The following WASL variants were observed in gnomAD, a reference collection of about 807,000 sequenced individuals.
The protein encoded by WASL is actin nucleation-promoting factor WASL.
A neutral mutation model predicts 55.5 loss-of-function variants in WASL; 20 were observed. The observed-to-expected ratio is 0.36, with a 90% CI of 0.25 to 0.52. The LOEUF is 0.52. Among genes scored for constraint, WASL ranks in the 20% least tolerant of loss-of-function variants. WASL has a pLI of 0.92. For missense variants in WASL, 504 were observed against 622.5 expected, an observed-to-expected ratio of 0.81 and a Z score of 2.03; for synonymous variants, 249 against 217.6, an observed-to-expected ratio of 1.14 and a Z score of -1.27.
intron 1 of WASL, among the ~76,000 whole-genome samples, chr7:123,719,437 G>A (rs1803899732): frequency 6.6e-6 from 1 of 152,166 alleles, no homozygotes; most frequent in African/African-American, 2.4e-5. Flanking sequence ...GAACTGTGAA[G>A]TCCTAATCTG....
At chr7:123,722,109 G>A (rs754215275) in intron 1 of WASL, among the ~76,000 whole-genome samples, 3 of 152,032 alleles carry the variant, frequency 2.0e-5, no homozygotes, top group Admixed American at 6.5e-5. Context: ...TAGCCACAAT[G>A]GCTATTCAAA....
chr7:123,695,441 C>T (rs1261362182), intron 7 of WASL, among the ~76,000 whole-genome samples: 1 of 152,096 alleles, frequency 6.6e-6, no homozygotes, highest in Non-Finnish European at 1.5e-5. Flanking sequence ...CCAAAAAGAA[C>T]AGGAGAATGA....
At position 123,682,630 on chromosome 7, in the gene WASL, A is replaced by T. The variant is rs1460646807; in HGVS notation, c.*1889T>A. 1 of 152,138 alleles carries T rather than the reference A, an allele frequency of 6.6e-6. No individual in the cohort carries two copies. The highest frequency in any genetic ancestry group is 2.4e-5 in the African/African-American group (1 of 41,438). The allele number at this position is 152,138 out of a possible 1,614,324, so 9.4% of individuals were successfully genotyped here. A position where few individuals can be genotyped will look rare whatever the true frequency, so the allele number is the denominator to read the frequency against. On this transcript the variant is annotated 3_prime_UTR_variant, in exon 11 of 11. Transcript: ENST00000223023. Reference sequence around the variant, plus strand: ...CCCTGAAGACATTTCTAGGAAATTTAAAATGTTTTTTATATTGTCAAAAAG... The same window carrying T: ...CCCTGAAGACATTTCTAGGAAATTTTAAATGTTTTTTATATTGTCAAAAAG...
At chr7:123,739,438 A>T (rs893339944) in intron 1 of WASL, among the ~76,000 whole-genome samples, 1 of 152,250 alleles carries the variant, frequency 6.6e-6, no homozygotes, top group Non-Finnish European at 1.5e-5. Context: ...TCAGCTTTAC[A>T]ATGGTGCGAA....
chr7:123,733,106 A>T (rs1804168849), intron 1 of WASL, among the ~76,000 whole-genome samples: 2 of 152,206 alleles, frequency 1.3e-5, no homozygotes, highest in Non-Finnish European at 2.9e-5. Context: ...ACTGGGAACA[A>T]AGTAAAAATG....
chr7:123,725,618 G>A (rs1804029116), intron 1 of WASL, among the ~76,000 whole-genome samples: 1 of 151,996 alleles, frequency 6.6e-6, no homozygotes, highest in Non-Finnish European at 1.5e-5. Context: ...AGAGTGCTAA[G>A]AACTTTACTT....
At chr7:123,727,074 A>C (rs1804057726) in intron 1 of WASL, among the ~76,000 whole-genome samples, 1 of 152,176 alleles carries the variant, frequency 6.6e-6, no homozygotes, top group South Asian at 2.1e-4. Flanking sequence ...TAAGCACTGA[A>C]AGGGTGAAAG....
At chr7:123,723,592 CCT>C (rs879310647) in intron 1 of WASL, among the ~76,000 whole-genome samples, 2 of 152,136 alleles carry the variant, frequency 1.3e-5, no homozygotes, top group Non-Finnish European at 2.9e-5. Flanking sequence ...AGACTCATTG[CCT>C]CTCTCCAGGA....
chr7:123,724,889 G>A lies in WASL; in HGVS notation c.118-15666C>T, dbSNP rs114516426. ...ACTGTTTTAAATGCCACAACAATTT[G>A]CTTCTACAACAGCTTCCCCAATAGA... On this transcript the variant is annotated intron_variant, in intron 1 of 10. Coordinates refer to ENST00000223023, the MANE Select transcript of WASL (RefSeq NM_003941.4). Among the ~76,000 whole-genome samples the A allele has an allele frequency of 3.9e-3, 595 of 152,222 alleles. 2 individuals are homozygous for A. Among genetic ancestry groups the A allele is most frequent in the African/African-American group, 0.014 (561 of 41,534 alleles).
intron 6 of WASL, among the ~76,000 whole-genome samples, 162 bp from the exon 7 acceptor site, chr7:123,696,027 G>C (rs1250957064): frequency 6.6e-6 from 1 of 152,022 alleles, no homozygotes; most frequent in Non-Finnish European, 1.5e-5. Context: ...TGTACAAGGA[G>C]TCAGAAGAAC....
chr7:123,710,982 A>C (rs966598186), intron 1 of WASL, among the ~76,000 whole-genome samples: 3 of 152,220 alleles, frequency 2.0e-5, no homozygotes, highest in Non-Finnish European at 4.4e-5. Context: ...AGTTCTAAGG[A>C]GAATTCGCAT....
Position 123,719,466 on chromosome 7 carries a change from C to T in WASL, c.118-10243G>A, listed in dbSNP as rs540882702. ...TAATCTGGGAGGGAAGTCAGGCTGGCGAGATGACCCAAGGAAAGCAAAAAG... is the reference window on the plus strand; with the variant it reads ...TAATCTGGGAGGGAAGTCAGGCTGGTGAGATGACCCAAGGAAAGCAAAAAG... On this transcript the variant is annotated intron_variant, in intron 1 of 10. Transcript: ENST00000223023. 6.6e-5 allele frequency among the ~76,000 whole-genome samples: 10 copies of T among 152,234 alleles called. No homozygotes were observed. The South Asian group carries it at 2.1e-3, about 32-fold the overall frequency.
intron 1 of WASL, among the ~76,000 whole-genome samples, chr7:123,723,336 GAA>G (rs1008546867): frequency 6.6e-6 from 1 of 152,078 alleles, no homozygotes; most frequent in Non-Finnish European, 1.5e-5. Context: ...CCAAAAATAA[GAA>G]AGATAACATT....
intron 1 of WASL, among the ~76,000 whole-genome samples, chr7:123,742,449 A>G (rs1472163024): frequency 6.6e-6 from 1 of 152,208 alleles, no homozygotes; most frequent in Non-Finnish European, 1.5e-5. Flanking sequence ...TCAGTCTCTA[A>G]AGTAACCAAG....
chr7:123,732,954 A>G (rs1804165287), intron 1 of WASL, among the ~76,000 whole-genome samples: 1 of 152,186 alleles, frequency 6.6e-6, no homozygotes. Flanking sequence ...ATGAACAGAT[A>G]CAGTAAAAGC....
intron 1 of WASL, among the ~76,000 whole-genome samples, chr7:123,724,152 T>C (rs985441314): frequency 6.6e-6 from 1 of 152,190 alleles, no homozygotes; most frequent in Admixed American, 6.5e-5. Flanking sequence ...GATCAATATT[T>C]GAAAACGTAA....
At chr7:123,684,615 T>C in intron 10 of WASL, 35 bp from the exon 11 acceptor site, 6 of 1,490,958 alleles carry the variant, frequency 4.0e-6, no homozygotes, top group Non-Finnish European at 3.6e-6. Context: ...AACATATGCA[T>C]AAATAAAATG....
chr7:123,695,771 C>A, intron 7 of WASL, 52 bp downstream of exon 7: 1 of 1,565,778 alleles, frequency 6.4e-7, no homozygotes, highest in Non-Finnish European at 8.7e-7. Context: ...TAAAATAGGC[C>A]AACACATTTC....
At chr7:123,737,013 A>T (rs1562966535) in intron 1 of WASL, among the ~76,000 whole-genome samples, 2 of 152,220 alleles carry the variant, frequency 1.3e-5, no homozygotes, top group African/African-American at 2.4e-5. Flanking sequence ...TAAACAAATG[A>T]AAGAAATAGA....
Sources: gnomAD v4.1 joint callset for allele counts (sites outside exome capture counted in the v4.1 genomes callset) on GRCh38, gnomAD v4.1.1 for gene constraint, MANE v1.5 for transcripts, NCBI Gene and HGNC (gene_info 2026-07-23, HGNC 2026-07-21) for gene names.